TNS1: variants seen among roughly 807,000 people sequenced by gnomAD.
The protein encoded by TNS1 is tensin-1.
Under a neutral mutation model 168.6 loss-of-function variants are expected in TNS1, and 62 were observed. That is an observed-to-expected ratio of 0.37 (90% CI 0.30 to 0.45). The LOEUF is 0.45. TNS1 is among the 20% of genes least tolerant of loss of function. The pLI, the probability that TNS1 is intolerant of heterozygous loss-of-function variation, is 1.00. For synonymous variants in TNS1, 934 were observed against 933.2 expected (o/e 1.00, Z -0.02); for missense variants, 2,240 against 2,339.4 (o/e 0.96, Z 0.88).
chr2:217,895,096 G>T, intron 8 of TNS1, 40 bp from the exon 9 acceptor site: 1 of 1,587,642 alleles, frequency 6.3e-7, no homozygotes. Context: ...GGAGGTGAGG[G>T]TGAGGAGGGC....
At chr2:217,814,791 C>G in intron 25 of TNS1, 121 bp downstream of exon 25, 1 of 742,270 alleles carries the variant, frequency 1.3e-6, no homozygotes, top group Non-Finnish European at 2.3e-6. Context: ...AACCCCAGCC[C>G]CCTCTGTGAT....
chr2:218,022,968 C>T (rs1487904282), intron 1 of TNS1, among the ~76,000 whole-genome samples: 11 of 152,292 alleles, frequency 7.2e-5, no homozygotes, highest in African/African-American at 2.4e-4. Flanking sequence ...AGGCCCAACC[C>T]CACCCCAACC....
Position 217,875,916 on chromosome 2 carries a change from C to T in TNS1, c.1429+4982G>A, listed in dbSNP as rs184665603. Among the ~76,000 whole-genome samples the T allele has an allele frequency of 2.7e-3, 415 of 152,298 alleles. 2 individuals are homozygous for T. Among genetic ancestry groups the T allele is most frequent in the African/African-American group, 9.3e-3 (385 of 41,552 alleles). On this transcript the variant is annotated intron_variant, in intron 18 of 32. Transcript: ENST00000682258. Reference sequence around the variant, plus strand: ...TGGAAACAAGGGAAAGACTGATGGGCGCCAACCAGGAGAGATGCAGAAGTG... The same window carrying T: ...TGGAAACAAGGGAAAGACTGATGGGTGCCAACCAGGAGAGATGCAGAAGTG...
intron 3 of TNS1, among the ~76,000 whole-genome samples, chr2:217,942,118 G>A (rs990362978): frequency 5.9e-5 from 9 of 152,200 alleles, no homozygotes; most frequent in Non-Finnish European, 1.0e-4. Context: ...GGGGCCTTGC[G>A]GGAAGTGAAG....
chr2:217,812,264 T>C (rs527627792), intron 28 of TNS1, 104 bp downstream of exon 28: 30 of 829,754 alleles, frequency 3.6e-5, no homozygotes, highest in Non-Finnish European at 5.0e-5. Flanking sequence ...AAATGACATG[T>C]GTCCTCCAGC....
At position 217,817,748 on chromosome 2, in the gene TNS1, C is replaced by T; in HGVS notation, c.4584G>A (p.Gly1528=). 1.2e-6 allele frequency: 2 copies of T among 1,612,882 alleles called. No homozygotes were observed. Residue 1528 remains glycine, a synonymous_variant, in exon 24 of 33, where the codon GGG becomes GGA. Transcript: ENST00000682258. ...PVASGMSSPS[G]GSTVSFSHTL... Reference sequence around the variant, plus strand: ...TGTGGGAGAAGGAGACGGTGCTGCCCCCACTGGGACTGGACATGCCGCTGG... The same window carrying T: ...TGTGGGAGAAGGAGACGGTGCTGCCTCCACTGGGACTGGACATGCCGCTGG...
intron 17 of TNS1, 150 bp from the exon 18 acceptor site, chr2:217,881,164 C>T: frequency 1.6e-6 from 1 of 618,586 alleles, no homozygotes; most frequent in Non-Finnish European, 2.9e-6. Flanking sequence ...GTGGGCGGGA[C>T]CAGTGGCTTA....
chr2:217,958,151 C>T (rs7573770), intron 3 of TNS1, among the ~76,000 whole-genome samples: 17,823 of 151,896 alleles, frequency 0.12, 1,065 homozygotes, highest in Middle Eastern at 0.17. Context: ...AAAAACATAT[C>T]GTAGACCAAG....
chr2:217,950,654 C>T (rs1425095047), intron 3 of TNS1, among the ~76,000 whole-genome samples: 3 of 150,118 alleles, frequency 2.0e-5, no homozygotes, highest in African/African-American at 7.4e-5. Flanking sequence ...CCTATGGAGA[C>T]CGATCCTAGC....
chr2:217,890,720 G>C, intron 12 of TNS1: 3 of 568,626 alleles, frequency 5.3e-6, no homozygotes, highest in Non-Finnish European at 6.3e-6. Context: ...AGGTTGCACT[G>C]CTCTCTAGCA....
At chr2:217,885,261 G>A in intron 15 of TNS1, 97 bp from the exon 16 acceptor site, 1 of 1,543,020 alleles carries the variant, frequency 6.5e-7, no homozygotes. Flanking sequence ...GAGCCCCCAA[G>A]GCTCACCCCA....
intron 3 of TNS1, among the ~76,000 whole-genome samples, chr2:217,925,439 C>T (rs1955967170): frequency 6.6e-6 from 1 of 152,112 alleles, no homozygotes; most frequent in African/African-American, 2.4e-5. Flanking sequence ...ATGTAAAATC[C>T]CAAACTCCTA....
intron 4 of TNS1, 24 bp from the exon 5 acceptor site, chr2:217,907,275 A>G: frequency 1.4e-6 from 1 of 702,996 alleles, no homozygotes; most frequent in Non-Finnish European, 2.6e-6. Flanking sequence ...GAGAAACAGC[A>G]TGAGCCCTTA....
chr2:217,950,104 C>T (rs991334436), intron 3 of TNS1, among the ~76,000 whole-genome samples: 4 of 152,184 alleles, frequency 2.6e-5, no homozygotes, highest in African/African-American at 9.6e-5. Flanking sequence ...TTTCTGTACC[C>T]TATAAGCCAA....
intron 1 of TNS1, among the ~76,000 whole-genome samples, chr2:217,999,883 A>G (rs1205600885): frequency 1.3e-5 from 2 of 152,234 alleles, no homozygotes; most frequent in African/African-American, 2.4e-5. Context: ...AAGTCGAGTG[A>G]CCAGCTTGAG....
chr2:217,853,582 C>T (rs907608972), intron 18 of TNS1, among the ~76,000 whole-genome samples: 2 of 152,080 alleles, frequency 1.3e-5, no homozygotes, highest in African/African-American at 4.8e-5. Context: ...GCTGAAAGGT[C>T]CAGTGTCCTG....
chr2:217,847,758 GGTGA>G lies in TNS1; in HGVS notation c.2755_2758del (p.Ser919LeufsTer72). ...AGCCAAACATGGCTGATAGTCATAA[GGTGA>G]GTAAGACCTGCCAGGAGGGACAGAC... is the stretch of plus-strand genomic sequence containing the variant. On this transcript the variant is annotated frameshift_variant, in exon 19 of 33. Coordinates refer to ENST00000682258, the MANE Select transcript of TNS1 (RefSeq NM_001387777.1). LOFTEE classifies it high-confidence loss of function. 6.2e-7 allele frequency: 1 copy of G among 1,609,054 alleles called. No individual in the cohort carries two copies. The highest frequency in any genetic ancestry group is 8.5e-7 in the Non-Finnish European group (1 of 1,176,048).
At chr2:218,005,840 C>T (rs531119305), upstream of TNS1, among the ~76,000 whole-genome samples, 1 of 152,232 alleles carries the variant, frequency 6.6e-6, no homozygotes, top group Non-Finnish European at 1.5e-5. Flanking sequence ...CACTTTTGCC[C>T]ACAATTTCAG....
intron 3 of TNS1, among the ~76,000 whole-genome samples, chr2:217,953,658 C>T (rs764015318): frequency 1.4e-4 from 21 of 152,210 alleles, no homozygotes; most frequent in Admixed American, 2.6e-4. Context: ...CCAAAGAGCC[C>T]GCTCCCACCT....
Sources: allele counts gnomAD v4.1 joint callset (sites outside exome capture counted in the v4.1 genomes callset), GRCh38; gene constraint gnomAD v4.1.1; transcripts MANE v1.5; gene names NCBI Gene and HGNC (gene_info 2026-07-23, HGNC 2026-07-21).